PTPRN2: variants seen among roughly 807,000 people sequenced by gnomAD.
The protein encoded by PTPRN2 is protein tyrosine phosphatase receptor type N2.
A neutral mutation model predicts 118.8 loss-of-function variants in PTPRN2; 74 were observed. That is an observed-to-expected ratio of 0.62 (90% CI 0.52 to 0.76). PTPRN2 has a LOEUF of 0.76. Ranked by LOEUF, PTPRN2 falls within the 30% of genes least tolerant of loss-of-function variation. The probability of loss-of-function intolerance (pLI) is 0.00; values close to 1 mark genes in which losing one functional copy is unlikely to be tolerated. For synonymous variants in PTPRN2, 641 were observed against 608.0 expected (o/e 1.05, Z -0.80); for missense variants, 1,481 against 1,394.4 (o/e 1.06, Z -0.99).
intron 12 of PTPRN2, among the ~76,000 whole-genome samples, chr7:157,802,289 T>C (rs1451067423): frequency 6.6e-6 from 1 of 152,228 alleles, no homozygotes; most frequent in Non-Finnish European, 1.5e-5. Context: ...TCTTCTTCGG[T>C]GCGTTCAATT....
chr7:157,965,480 C>A (rs973843733), intron 11 of PTPRN2, among the ~76,000 whole-genome samples: 1 of 152,048 alleles, frequency 6.6e-6, no homozygotes, highest in Admixed American at 6.5e-5. Flanking sequence ...GGGGGTGAAG[C>A]AAGGTTCAAA....
intron 2 of PTPRN2, among the ~76,000 whole-genome samples, chr7:158,343,878 G>A (rs1173547061): frequency 6.6e-6 from 1 of 151,220 alleles, no homozygotes; most frequent in African/African-American, 2.4e-5. Context: ...TCGAGCTCAG[G>A]TAAAGGCTTC....
chr7:158,561,031 G>A (rs191663801), intron 1 of PTPRN2, among the ~76,000 whole-genome samples: 27 of 152,356 alleles, frequency 1.8e-4, no homozygotes, highest in African/African-American at 5.5e-4. Context: ...TTCTGTTAGT[G>A]TGGCAAGAAG....
intron 11 of PTPRN2, among the ~76,000 whole-genome samples, chr7:157,999,058 G>A (rs1379560169): frequency 2.6e-5 from 4 of 151,848 alleles, no homozygotes; most frequent in African/African-American, 7.3e-5. Context: ...TCCTCCGAGC[G>A]GCCGTAGGGG....
intron 15 of PTPRN2, among the ~76,000 whole-genome samples, chr7:157,608,050 T>G (rs972677449): frequency 6.6e-6 from 1 of 152,186 alleles, no homozygotes; most frequent in Non-Finnish European, 1.5e-5. Flanking sequence ...GTCAACATAT[T>G]GCTTTTGAAA....
At chr7:157,900,521 A>G (rs900828118) in intron 11 of PTPRN2, among the ~76,000 whole-genome samples, 8 of 152,286 alleles carry the variant, frequency 5.3e-5, no homozygotes, top group South Asian at 2.1e-4. Flanking sequence ...AAGCCTTTCA[A>G]TGGTGTCCCC....
At chr7:158,192,602 C>G in intron 4 of PTPRN2, 107 bp from the exon 5 acceptor site, 1 of 1,315,780 alleles carries the variant, frequency 7.6e-7, no homozygotes, top group Non-Finnish European at 1.0e-6. Flanking sequence ...GAGCCGGGCT[C>G]TCGGTGGCCG....
intron 10 of PTPRN2, among the ~76,000 whole-genome samples, chr7:158,102,631 T>C (rs933575745): frequency 6.6e-6 from 1 of 152,092 alleles, no homozygotes; most frequent in African/African-American, 2.4e-5. Flanking sequence ...GTATTTGATA[T>C]ATGGAGAGAG....
intron 1 of PTPRN2, among the ~76,000 whole-genome samples, chr7:158,549,779 T>C (rs2129450101): frequency 6.6e-6 from 1 of 152,384 alleles, no homozygotes; most frequent in South Asian, 2.1e-4. Context: ...TCCTGTGAGA[T>C]GGGACTGCGT....
intron 11 of PTPRN2, among the ~76,000 whole-genome samples, chr7:157,951,037 A>G (rs529100290): frequency 6.6e-6 from 1 of 152,222 alleles, no homozygotes; most frequent in East Asian, 1.9e-4. Flanking sequence ...ATTTCATCCA[A>G]CACAGCTTTA....
chr7:158,187,235 T>C (rs1468058928), intron 5 of PTPRN2, among the ~76,000 whole-genome samples: 1 of 152,220 alleles, frequency 6.6e-6, no homozygotes, highest in Non-Finnish European at 1.5e-5. Context: ...AAAATAATTC[T>C]GTTATGACGT....
chr7:158,332,112 A>T (rs1169475706), intron 2 of PTPRN2, among the ~76,000 whole-genome samples: 1 of 149,770 alleles, frequency 6.7e-6, no homozygotes, highest in Non-Finnish European at 1.5e-5. Context: ...AGGCCCACAG[A>T]GGTCACTCAC....
chr7:157,586,707 CAG>C (rs1800695368), intron 17 of PTPRN2, among the ~76,000 whole-genome samples: 1 of 151,998 alleles, frequency 6.6e-6, no homozygotes, highest in African/African-American at 2.4e-5. Context: ...CCTGGAGACT[CAG>C]GGGCCCCGCT....
At chr7:158,305,471 TG>T (rs1014036537) in intron 3 of PTPRN2, among the ~76,000 whole-genome samples, 4 of 152,164 alleles carry the variant, frequency 2.6e-5, no homozygotes, top group Non-Finnish European at 5.9e-5. Context: ...GCATTGTTTT[TG>T]GGTATTCCCC....
intron 12 of PTPRN2, among the ~76,000 whole-genome samples, chr7:157,783,835 G>C (rs1803836370): frequency 6.6e-6 from 1 of 152,038 alleles, no homozygotes; most frequent in Non-Finnish European, 1.5e-5. Context: ...CTTTGCTCCA[G>C]GCCCTCTGAG....
chr7:158,108,039 T>C (rs1427773270), intron 10 of PTPRN2, among the ~76,000 whole-genome samples: 1 of 151,008 alleles, frequency 6.6e-6, no homozygotes, highest in East Asian at 1.9e-4. Context: ...CCAAAAAACA[T>C]CTGCATCTCA....
intron 4 of PTPRN2, among the ~76,000 whole-genome samples, chr7:158,193,686 C>T (rs1029184973): frequency 6.6e-5 from 10 of 152,066 alleles, no homozygotes; most frequent in East Asian, 5.8e-4. Flanking sequence ...CCAGCTCACC[C>T]GCAGACTCTG....
chr7:158,583,501 C>T (rs917083285), intron 1 of PTPRN2, among the ~76,000 whole-genome samples: 1 of 151,850 alleles, frequency 6.6e-6, no homozygotes, highest in African/African-American at 2.4e-5. Context: ...GCACCACTGA[C>T]CTTGATCACC....
rs533266167 is a variant in PTPRN2, at chr7:157,881,151, T to G, written c.1788+17522A>C. 9.7e-4 allele frequency among the ~76,000 whole-genome samples: 148 copies of G among 151,948 alleles called. 1 individual carries two copies. The highest frequency in any genetic ancestry group is 3.4e-3 in the African/African-American group (142 of 41,426). The stretch of plus-strand genomic sequence containing the variant: ...ATGAAGTCATGAGGGTATGTGGAGA[T>G]GGAGGTGTTTACAGGAATCATTACG... On this transcript the variant is annotated intron_variant, in intron 12 of 22. Transcript: ENST00000389418. This position sits in a 1 kb window ranked among gnomAD's most constrained non-coding sequence, Gnocchi z 4.7.
Sources: gnomAD v4.1 joint callset for allele counts (sites outside exome capture counted in the v4.1 genomes callset) on GRCh38, gnomAD v4.1.1 for gene constraint, Gnocchi (gnomAD v3.1) non-coding constraint, MANE v1.5 for transcripts, NCBI Gene and HGNC (gene_info 2026-07-23, HGNC 2026-07-21) for gene names.